The following ZNHIT6 variants were observed in gnomAD, a reference collection of about 807,000 sequenced individuals.
ZNHIT6 encodes box C/D snoRNA protein 1.
Under a neutral mutation model 57.2 loss-of-function variants are expected in ZNHIT6, and 45 were observed. That is an observed-to-expected ratio of 0.79 (90% CI 0.62 to 1.01). The LOEUF (loss-of-function observed/expected upper bound fraction) is 1.01. ZNHIT6 is among the 50% of genes least tolerant of loss of function. ZNHIT6 has a pLI of 0.00. For synonymous variants in ZNHIT6, 188 were observed against 190.0 expected (o/e 0.99, Z 0.09); for missense variants, 528 against 567.3 (o/e 0.93, Z 0.70).
At position 85,708,180 on chromosome 1, in the gene ZNHIT6, G is replaced by A; in HGVS notation, c.105C>T (p.Asp35=). 1.9e-6 allele frequency: 3 copies of A among 1,614,030 alleles called. No homozygotes were observed. The highest frequency in any genetic ancestry group is 2.5e-6 in the Non-Finnish European group (3 of 1,180,010). ...SPEPGREGVR[D]LAGAEEFGGG... is the part of the protein sequence containing the mutation. The stretch of plus-strand genomic sequence containing the variant: ...CGCCGAACTCCTCCGCCCCTGCTAA[G>A]TCCCTTACTCCCTCCCTGCCAGGCT... Residue 35 remains aspartate (D), a synonymous_variant, in exon 1 of 10, where the codon GAC becomes GAT. Coordinates refer to ENST00000370574, the MANE Select transcript of ZNHIT6 (RefSeq NM_017953.4).
In ZNHIT6 at chr1:85,702,150, AACTT is replaced by A. The variant is rs775225844; in HGVS notation, c.1019+3_1019+6del. The A allele has an allele frequency of 2.5e-6, 4 of 1,579,118 alleles. No individual in the cohort carries two copies. The highest frequency in any genetic ancestry group is 3.5e-6 in the Non-Finnish European group (4 of 1,159,378). ...ATACCTGATATACTAAAAAGTTAGA[AACTT>A]ACTTCTTATCAAAAAAGGTTGAATT... On this transcript the variant is annotated splice_donor_5th_base_variant and intron_variant, in intron 5 of 9. Transcript: ENST00000370574.
At chr1:85,673,666 T>C (rs569668262) in intron 8 of ZNHIT6, among the ~76,000 whole-genome samples, 31 of 152,180 alleles carry the variant, frequency 2.0e-4, no homozygotes, top group African/African-American at 7.0e-4. Flanking sequence ...AATGGTTCTA[T>C]TTAGAATGCT....
chr1:85,669,358 G>C (rs1661487235), intron 8 of ZNHIT6, among the ~76,000 whole-genome samples: 1 of 152,044 alleles, frequency 6.6e-6, no homozygotes, highest in Non-Finnish European at 1.5e-5. Flanking sequence ...AAATATTTTA[G>C]ATTAAAGATC....
At chr1:85,661,608 T>C (rs1661225769) in intron 8 of ZNHIT6, among the ~76,000 whole-genome samples, 2 of 152,200 alleles carry the variant, frequency 1.3e-5, no homozygotes, top group Non-Finnish European at 2.9e-5. Flanking sequence ...TATTTTATTG[T>C]CACATTTACT....
intron 5 of ZNHIT6, among the ~76,000 whole-genome samples, chr1:85,690,201 G>A (rs927851314): frequency 4.6e-5 from 7 of 152,054 alleles, no homozygotes; most frequent in Non-Finnish European, 8.8e-5. Flanking sequence ...TGGATCACTC[G>A]TACGAACAGG....
intron 4 of ZNHIT6, among the ~76,000 whole-genome samples, chr1:85,705,259 G>C (rs1557877958): frequency 6.6e-6 from 1 of 152,040 alleles, no homozygotes; most frequent in Non-Finnish European, 1.5e-5. Flanking sequence ...TGTTGCCCAG[G>C]CTGGAGTGTA....
At chr1:85,699,752 C>G (rs1014083165) in intron 5 of ZNHIT6, among the ~76,000 whole-genome samples, 5 of 152,040 alleles carry the variant, frequency 3.3e-5, no homozygotes, top group Admixed American at 6.6e-5. Flanking sequence ...GCACACAAAA[C>G]AATTTGTTCA....
At chr1:85,682,657 G>C (rs544098280) in intron 5 of ZNHIT6, among the ~76,000 whole-genome samples, 1 of 151,914 alleles carries the variant, frequency 6.6e-6, no homozygotes, top group South Asian at 2.1e-4. Flanking sequence ...TTCTATATTT[G>C]GCCTCAGCTC....
At chr1:85,700,843 G>A (rs1662510975) in intron 5 of ZNHIT6, among the ~76,000 whole-genome samples, 1 of 152,054 alleles carries the variant, frequency 6.6e-6, no homozygotes, top group Non-Finnish European at 1.5e-5. Flanking sequence ...GTCTCATTCT[G>A]TCACCCAGAC....
intron 8 of ZNHIT6, among the ~76,000 whole-genome samples, chr1:85,667,961 A>AAAAAAAAAAAAAGTATATATATATAT: frequency 5.5e-5 from 1 of 18,200 alleles, no homozygotes; most frequent in Admixed American, 6.8e-4. Context: ...AAAAAAAAAA[A>AAAAAAAAAAAAAGTATATATATATAT]ATATATATAT....
At position 85,702,252 on chromosome 1, in the gene ZNHIT6, A is replaced by G. The variant is rs1662557679; in HGVS notation, c.924T>C (p.Phe308=). The G allele has an allele frequency of 4.4e-6, 7 of 1,595,100 alleles. No homozygotes were observed. In the South Asian group the frequency reaches 8.0e-5, roughly 18 times the overall value. The change falls in exon 5 of 10, where the codon TTT becomes TTC. Residue 308 remains phenylalanine, a synonymous_variant. Coordinates refer to ENST00000370574, the MANE Select transcript of ZNHIT6 (RefSeq NM_017953.4). ...KRPISNKYMY[F]MKNRARRQGI... ...CTTGCCTCCGGGCACGATTTTTCAT[A>G]AAGTACATCTAACAACAAAAACCAA...
In ZNHIT6 at chr1:85,650,410, G is replaced by A. The variant is rs997636844; in HGVS notation, c.*3648C>T. The A allele has an allele frequency of 6.6e-6, 1 of 152,148 alleles. No individual in the cohort carries two copies. 9.4% of individuals were successfully genotyped at this position (152,148 alleles called of 1,614,324 possible). ...GCAAGATGACTGCTTTTGACGTTTG[G>A]ACCCAGGACCCAGTCATTGCCTGGA... On this transcript the variant is annotated 3_prime_UTR_variant, in exon 10 of 10. Coordinates refer to ENST00000370574, the MANE Select transcript of ZNHIT6 (RefSeq NM_017953.4).
In ZNHIT6 at chr1:85,653,153, G is replaced by GT. The variant is rs1254825777; in HGVS notation, c.*904dup. 4.6e-5 allele frequency: 7 copies of GT among 152,108 alleles called. No homozygotes were observed. Among genetic ancestry groups the GT allele is most frequent in the Non-Finnish European group, 1.0e-4 (7 of 68,044 alleles). 9.4% of individuals were successfully genotyped at this position (152,108 alleles called of 1,614,324 possible). A position where few individuals can be genotyped will look rare whatever the true frequency, so the allele number is the denominator to read the frequency against. Reference sequence around the variant, plus strand: ...GACTTGAGTAAGTAGATCCAAATTTGTTATCACTAATGGCTCAAACAATGT... The same window carrying GT: ...GACTTGAGTAAGTAGATCCAAATTTGTTTATCACTAATGGCTCAAACAATGT... On this transcript the variant is annotated 3_prime_UTR_variant, in exon 10 of 10. Coordinates refer to ENST00000370574, the MANE Select transcript of ZNHIT6 (RefSeq NM_017953.4).
At chr1:85,694,872 T>C (rs901757428) in intron 5 of ZNHIT6, among the ~76,000 whole-genome samples, 36 of 152,242 alleles carry the variant, frequency 2.4e-4, no homozygotes, top group African/African-American at 8.2e-4. Context: ...GGTATTCCCA[T>C]AGGGGGCAGT....
chr1:85,698,113 G>A (rs150271934), intron 5 of ZNHIT6, among the ~76,000 whole-genome samples: 371 of 152,196 alleles, frequency 2.4e-3, no homozygotes, highest in Non-Finnish European at 4.4e-3. Flanking sequence ...ACTTACATAA[G>A]CCTCCCTGAA....
chr1:85,690,387 C>T (rs890707087), intron 5 of ZNHIT6, among the ~76,000 whole-genome samples: 2 of 152,144 alleles, frequency 1.3e-5, no homozygotes, highest in Admixed American at 1.3e-4. Flanking sequence ...ATTCTCACCA[C>T]CAGAACCATC....
rs1662469327 is a variant in ZNHIT6, at chr1:85,699,533, A to T, written c.1019+2624T>A. ...AAAATCCAAGAGCTCAACCTCTCTA[A>T]TAAAGCTGCCCACAAAAAAATTTGG... is the stretch of plus-strand genomic sequence containing the variant. On this transcript the variant is annotated intron_variant, in intron 5 of 9. Coordinates refer to ENST00000370574, the MANE Select transcript of ZNHIT6 (RefSeq NM_017953.4). Among the ~76,000 whole-genome samples the T allele has an allele frequency of 2.0e-5, 3 of 152,138 alleles. No homozygotes were observed. The South Asian group carries it at 6.2e-4, about 31-fold the overall frequency.
At chr1:85,704,131 G>C (rs992152725) in intron 4 of ZNHIT6, among the ~76,000 whole-genome samples, 1 of 152,154 alleles carries the variant, frequency 6.6e-6, no homozygotes, top group African/African-American at 2.4e-5. Flanking sequence ...ACTAAGTATT[G>C]GCGAGAATAT....
intron 5 of ZNHIT6, among the ~76,000 whole-genome samples, chr1:85,687,916 G>A (rs1014547797): frequency 6.6e-6 from 1 of 151,720 alleles, no homozygotes; most frequent in Non-Finnish European, 1.5e-5. Context: ...GGTGGCGTGC[G>A]CCTGTAGTCC....
Sources: allele counts gnomAD v4.1 joint callset (sites outside exome capture counted in the v4.1 genomes callset), GRCh38; gene constraint gnomAD v4.1.1; transcripts MANE v1.5; gene names NCBI Gene and HGNC (gene_info 2026-07-23, HGNC 2026-07-21).